ADGRG2: variants seen among roughly 807,000 people sequenced by gnomAD.
ADGRG2 encodes the protein G protein-coupled receptor 64.
ADGRG2 carries 26 observed loss-of-function variants against 74.1 expected under a neutral mutation model. The observed-to-expected ratio is 0.35, with a 90% confidence interval of 0.26 to 0.49. The LOEUF (loss-of-function observed/expected upper bound fraction) is 0.49. Ranked by LOEUF, ADGRG2 falls within the 20% of genes least tolerant of loss-of-function variation. The probability of loss-of-function intolerance (pLI) is 0.99; values close to 1 mark genes in which losing one functional copy is unlikely to be tolerated. For missense variants in ADGRG2, 619 were observed against 763.1 expected (o/e 0.81, Z 2.22); for synonymous variants, 296 against 295.2 (o/e 1.00, Z -0.03).
At position 19,105,927 on chromosome X, in the gene ADGRG2, C is replaced by CAAAAAA. The variant is rs748026875; in HGVS notation, c.-47+16509_-47+16514dup. Among the ~76,000 whole-genome samples, 55 of 29,895 alleles carry CAAAAAA rather than the reference C, an allele frequency of 1.8e-3. 1 individual carries two copies. Among genetic ancestry groups the CAAAAAA allele is most frequent in the African/African-American group, 5.8e-3 (45 of 7,801 alleles). 26.0% of individuals were successfully genotyped at this position (29,895 alleles called of 115,157 possible). ...TAAGCGACAGAGCGAGACTCTGTCTCAAAAAAAAAAAAAAAAAAAAAAAGA... is the reference window on the plus strand; with the variant it reads ...TAAGCGACAGAGCGAGACTCTGTCTCAAAAAAAAAAAAAAAAAAAAAAAAAAAAAGA... On this transcript the variant is annotated intron_variant, in intron 1 of 28. Coordinates refer to ENST00000379869, the MANE Select transcript of ADGRG2 (RefSeq NM_001079858.3).
chrX:18,993,677 T>TA (rs1220955034), intron 28 of ADGRG2, among the ~76,000 whole-genome samples: 16 of 55,849 alleles, frequency 2.9e-4, no homozygotes, highest in East Asian at 2.8e-3. Context: ...GACCTTGTCA[T>TA]AAAAAAAAAG....
At chrX:19,102,450 G>A (rs5955693) in intron 1 of ADGRG2, among the ~76,000 whole-genome samples, 18,210 of 109,436 alleles carry the variant, frequency 0.17, 2,143 homozygotes, top group African/African-American at 0.41. Flanking sequence ...CAACTTGTAG[G>A]TGCCCAGTGA....
chrX:19,022,965 G>A (rs1250606555), intron 13 of ADGRG2, among the ~76,000 whole-genome samples: 5 of 112,418 alleles, frequency 4.4e-5, no homozygotes, highest in African/African-American at 1.6e-4. Context: ...CCAAAGTGTT[G>A]GGATTACAGG....
At chrX:19,089,695 T>C (rs145707218) in intron 1 of ADGRG2, among the ~76,000 whole-genome samples, 3,039 of 111,376 alleles carry the variant, frequency 0.027, 104 homozygotes, top group African/African-American at 0.093. Flanking sequence ...CCTGAGCTAG[T>C]TGGCCAGATG....
chrX:18,991,844 A>G (rs1032168273), intron 28 of ADGRG2, among the ~76,000 whole-genome samples: 5 of 112,383 alleles, frequency 4.4e-5, no homozygotes, highest in Non-Finnish European at 7.5e-5. Context: ...TTGATAGTTC[A>G]TGACATGATT....
At chrX:19,057,484 T>C (rs1237018213) in intron 3 of ADGRG2, among the ~76,000 whole-genome samples, 1 of 111,769 alleles carries the variant, frequency 8.9e-6, no homozygotes, top group Non-Finnish European at 1.9e-5. Context: ...TAGACGGTAC[T>C]TTCATCATTT....
intron 3 of ADGRG2, among the ~76,000 whole-genome samples, chrX:19,064,369 GTCA>G (rs2061533257): frequency 8.9e-6 from 1 of 112,685 alleles, no homozygotes; most frequent in Non-Finnish European, 1.9e-5. Flanking sequence ...ATGCGTCATA[GTCA>G]CGGCCCTCCA....
chrX:19,029,264 CAT>C (rs1181622448), intron 9 of ADGRG2, among the ~76,000 whole-genome samples: 2 of 112,200 alleles, frequency 1.8e-5, no homozygotes, highest in African/African-American at 6.5e-5. Flanking sequence ...TTGAGATCTA[CAT>C]AGACTTATCC....
At chrX:19,072,835 T>C (rs1336618922) in intron 2 of ADGRG2, among the ~76,000 whole-genome samples, 2 of 111,375 alleles carry the variant, frequency 1.8e-5, no homozygotes, top group African/African-American at 3.2e-5. Flanking sequence ...TACTGCCTTC[T>C]GCATAAACCG....
chrX:19,078,721 T>C (rs1190277469), intron 2 of ADGRG2, among the ~76,000 whole-genome samples: 4 of 108,442 alleles, frequency 3.7e-5, no homozygotes, highest in Non-Finnish European at 7.6e-5. Context: ...TTAAGGTTCT[T>C]AAGAAGTGTG....
intron 7 of ADGRG2, 29 bp from the exon 8 acceptor site, chrX:19,033,683 A>G (rs2060874908): frequency 1.6e-6 from 1 of 623,924 alleles, no homozygotes; most frequent in East Asian, 3.3e-5. Context: ...AATATTAGAG[A>G]ATAATCATTG....
chrX:19,110,901 C>T (rs971291720), intron 1 of ADGRG2, among the ~76,000 whole-genome samples: 4 of 111,178 alleles, frequency 3.6e-5, no homozygotes, highest in African/African-American at 1.3e-4. Context: ...GGGAATGACA[C>T]AATCCAACTA....
At chrX:19,088,485 T>G (rs1268804081) in intron 1 of ADGRG2, among the ~76,000 whole-genome samples, 2 of 112,385 alleles carry the variant, frequency 1.8e-5, no homozygotes, top group Non-Finnish European at 3.8e-5. Flanking sequence ...TTCTTTTTTG[T>G]TTTTTGTTTG....
intron 2 of ADGRG2, among the ~76,000 whole-genome samples, chrX:19,074,996 T>TG (rs1402557394): frequency 9.0e-6 from 1 of 111,288 alleles, no homozygotes; most frequent in Non-Finnish European, 1.9e-5. Flanking sequence ...CCTGTGGGTA[T>TG]GGGCCTAATG....
At chrX:19,008,810 T>C (rs2060291280) in intron 18 of ADGRG2, among the ~76,000 whole-genome samples, 1 of 111,961 alleles carries the variant, frequency 8.9e-6, no homozygotes, top group East Asian at 2.8e-4. Flanking sequence ...CACACCAAGT[T>C]AGTGACCAGT....
intron 3 of ADGRG2, among the ~76,000 whole-genome samples, chrX:19,062,560 C>T (rs180916222): frequency 1.7e-4 from 19 of 111,769 alleles, no homozygotes; most frequent in African/African-American, 6.2e-4. Flanking sequence ...CTCATTTGTA[C>T]AGACAGGGGA....
In ADGRG2 at chrX:19,037,383, A is replaced by C. The variant is rs890863383; in HGVS notation, c.226+84T>G. 4.3e-6 allele frequency: 3 copies of C among 699,688 alleles called. No individual in the cohort carries two copies. In the African/African-American group the frequency reaches 6.7e-5, roughly 16 times the overall value. The allele number at this position is 699,688 out of a possible 1,213,427, so 57.7% of individuals were successfully genotyped here. A position where few individuals can be genotyped will look rare whatever the true frequency, so the allele number is the denominator to read the frequency against. The stretch of plus-strand genomic sequence containing the variant: ...CTCGACGTATTCAGAAATAATTTAG[A>C]AATGGAAACCTTCAACACCATTCAT... On this transcript the variant is annotated intron_variant, in intron 6 of 28. Transcript: ENST00000379869.
intron 3 of ADGRG2, among the ~76,000 whole-genome samples, chrX:19,051,851 C>T (rs2061329173): frequency 8.9e-6 from 1 of 111,889 alleles, no homozygotes; most frequent in Non-Finnish European, 1.9e-5. Flanking sequence ...AGCCAAGATG[C>T]CCCAGTTGAT....
At chrX:19,074,761 G>C (rs1828687404) in intron 2 of ADGRG2, among the ~76,000 whole-genome samples, 1 of 106,229 alleles carries the variant, frequency 9.4e-6, no homozygotes, top group Non-Finnish European at 1.9e-5. Flanking sequence ...AGTAGAGATG[G>C]GGTTTCACCA....
Sources: allele counts gnomAD v4.1 joint callset (sites outside exome capture counted in the v4.1 genomes callset), GRCh38; gene constraint gnomAD v4.1.1; transcripts MANE v1.5; gene names NCBI Gene and HGNC (gene_info 2026-07-23, HGNC 2026-07-21).